The following ARHGAP29 variants were observed in gnomAD, a reference collection of about 807,000 sequenced individuals.
The protein encoded by ARHGAP29 is rho GTPase-activating protein 29.
In ARHGAP29, 43 loss-of-function variants were observed where a neutral mutation model predicts 122.6. The observed-to-expected ratio is 0.35, with a 90% CI of 0.27 to 0.45. ARHGAP29 has a LOEUF of 0.45. Among genes scored for constraint, ARHGAP29 ranks in the 20% least tolerant of loss-of-function variants. The pLI, the probability that ARHGAP29 is intolerant of heterozygous loss-of-function variation, is 1.00. For synonymous variants in ARHGAP29, 506 were observed against 497.1 expected (o/e 1.02, Z -0.24); for missense variants, 1,303 against 1,477.2 (o/e 0.88, Z 1.93).
chr1:94,178,036 T>C lies in ARHGAP29; in HGVS notation c.2612A>G (p.Gln871Arg), dbSNP rs1468642701. 3 of 1,614,166 alleles carry C rather than the reference T, an allele frequency of 1.9e-6. No homozygotes were observed. The South Asian group carries it at 3.3e-5, about 18-fold the overall frequency. The change falls in exon 21 of 23, where the codon CAA (glutamine) becomes CGA (arginine). Residue 871 changes from glutamine (Q) to arginine (R), a missense_variant. This residue lies in a region of ARHGAP29 where 620 missense variants were observed against 651.2 expected (regional missense o/e 0.95). Transcript: ENST00000260526. ...TISSLAEYSN[Q>R]ARLVEFLITY... is the part of the protein sequence containing the mutation. ...AATGAGAAACTCTACCAAGCGTGCTTGATTTGAATACTCTGCAAGGGAGGA... is the reference window on the plus strand; with the variant it reads ...AATGAGAAACTCTACCAAGCGTGCTCGATTTGAATACTCTGCAAGGGAGGA...
At chr1:94,270,286 A>C (rs1332523014) in intron 1 of ARHGAP29, among the ~76,000 whole-genome samples, 4 of 152,186 alleles carry the variant, frequency 2.6e-5, no homozygotes, top group African/African-American at 9.7e-5. Context: ...CCAAAGCAAG[A>C]GACATAGCAC....
chr1:94,286,358 C>T, the ARHGAP29 span, among the ~76,000 whole-genome samples: 1 of 152,092 alleles, frequency 6.6e-6, no homozygotes, highest in Non-Finnish European at 1.5e-5. Flanking sequence ...ATAACATATA[C>T]TATGGATTGA....
rs1021796299 is a variant in ARHGAP29 at position 94,173,661 on chromosome 1, A to T, written c.*208T>A. 1.1e-5 allele frequency: 6 copies of T among 526,586 alleles called. No homozygotes were observed. The East Asian group carries it at 1.9e-4, about 16-fold the overall frequency. The allele number at this position is 526,586 out of a possible 1,614,324, so 32.6% of individuals were successfully genotyped here. On this transcript the variant is annotated 3_prime_UTR_variant, in exon 23 of 23. Transcript: ENST00000260526. Reference sequence around the variant, plus strand: ...AACTTTAAAAATACAGAATTTAAAGATAATTCCAGTGAGGCACAAATGTGA... The same window carrying T: ...AACTTTAAAAATACAGAATTTAAAGTTAATTCCAGTGAGGCACAAATGTGA...
At chr1:94,228,959 G>A (rs190527532) in intron 2 of ARHGAP29, among the ~76,000 whole-genome samples, 3 of 151,804 alleles carry the variant, frequency 2.0e-5, no homozygotes, top group Admixed American at 6.6e-5. Context: ...TTATTCTTAA[G>A]AGCTGCCTTT....
chr1:94,236,967 C>G (rs967306744), intron 1 of ARHGAP29, among the ~76,000 whole-genome samples: 2 of 152,162 alleles, frequency 1.3e-5, no homozygotes, highest in Non-Finnish European at 2.9e-5. Flanking sequence ...GGTCCTGACG[C>G]TGCCAACCAC....
At chr1:94,186,737 G>A in intron 15 of ARHGAP29, 140 bp from the exon 16 acceptor site, 1 of 604,144 alleles carries the variant, frequency 1.7e-6, no homozygotes, top group Non-Finnish European at 2.9e-6. Context: ...CTCATACTCT[G>A]GGTAACAGGG....
intron 12 of ARHGAP29, chr1:94,191,886 T>C (rs1405668067): frequency 6.6e-6 from 1 of 152,172 alleles, no homozygotes; most frequent in African/African-American, 2.4e-5. Context: ...AGCTAAAAAC[T>C]TGATAGGATT....
At chr1:94,306,818 CA>C in the ARHGAP29 span, among the ~76,000 whole-genome samples, 1 of 152,034 alleles carries the variant, frequency 6.6e-6, no homozygotes, top group Non-Finnish European at 1.5e-5. Flanking sequence ...GGGTTTACAC[CA>C]AAAGTGCTCT....
chr1:94,278,816 G>A (rs150044351), upstream of ARHGAP29, among the ~76,000 whole-genome samples: 682 of 152,314 alleles, frequency 4.5e-3, 7 homozygotes, highest in Middle Eastern at 0.017. Context: ...AGCCTGGAAA[G>A]ATGGGTTTTG....
intron 1 of ARHGAP29, among the ~76,000 whole-genome samples, chr1:94,267,431 A>G (rs1687923): frequency 0.024 from 3,652 of 152,144 alleles, 170 homozygotes; most frequent in African/African-American, 0.084. Context: ...TCCTATTTTC[A>G]TTTTTCTTTC....
rs146151972 is a variant in ARHGAP29, at chr1:94,202,810, T to C, written c.955-78A>G. On this transcript the variant is annotated intron_variant, in intron 10 of 22. Coordinates refer to ENST00000260526, the MANE Select transcript of ARHGAP29 (RefSeq NM_004815.4). ...AGTGTCTTTAGCATATTCAGCAAGA[T>C]AGTTAAGACAATATTTTAGAAAAAT... 2.8e-4 allele frequency: 436 copies of C among 1,548,536 alleles called. 6 individuals are homozygous for C. In the East Asian group the frequency reaches 9.3e-3, roughly 33 times the overall value.
intron 1 of ARHGAP29, among the ~76,000 whole-genome samples, chr1:94,272,933 G>A (rs1019333710): frequency 6.6e-6 from 1 of 152,144 alleles, no homozygotes; most frequent in African/African-American, 2.4e-5. Context: ...CCAGAAAAAA[G>A]TATCTTCAAT....
At chr1:94,288,771 T>C in the ARHGAP29 span, among the ~76,000 whole-genome samples, 1 of 152,242 alleles carries the variant, frequency 6.6e-6, no homozygotes, top group Admixed American at 6.5e-5. Context: ...TCCCCATTTC[T>C]TGTTTTTGTC....
chr1:94,227,626 T>C (rs1652683254), intron 2 of ARHGAP29, among the ~76,000 whole-genome samples: 1 of 151,786 alleles, frequency 6.6e-6, no homozygotes, highest in Non-Finnish European at 1.5e-5. Flanking sequence ...GCCTTTACAT[T>C]TTCCACATTC....
At chr1:94,264,541 C>CA (rs901067075) in intron 1 of ARHGAP29, among the ~76,000 whole-genome samples, 2 of 152,252 alleles carry the variant, frequency 1.3e-5, no homozygotes, top group African/African-American at 2.4e-5. Flanking sequence ...GGCTGCCTTC[C>CA]ACTTGCTTCT....
At chr1:94,260,454 C>A (rs1183505369) in intron 1 of ARHGAP29, among the ~76,000 whole-genome samples, 1 of 152,210 alleles carries the variant, frequency 6.6e-6, no homozygotes, top group Non-Finnish European at 1.5e-5. Context: ...ATCCCATCCT[C>A]AGCTGATTCA....
chr1:94,290,091 G>T, the ARHGAP29 span, among the ~76,000 whole-genome samples: 1 of 152,130 alleles, frequency 6.6e-6, no homozygotes, highest in Non-Finnish European at 1.5e-5. Context: ...TGTACCTCTG[G>T]TAGAATTTGG....
At chr1:94,278,319 T>TA (rs1005799695), upstream of ARHGAP29, among the ~76,000 whole-genome samples, 123 of 145,940 alleles carry the variant, frequency 8.4e-4, no homozygotes, top group African/African-American at 1.9e-3. Flanking sequence ...ACCCTGTCTC[T>TA]AAAAAAAAAA....
At chr1:94,221,678 T>G (rs1048670859) in intron 2 of ARHGAP29, among the ~76,000 whole-genome samples, 1 of 150,984 alleles carries the variant, frequency 6.6e-6, no homozygotes. Context: ...TATGTATATA[T>G]GTATATATAA....
Sources: allele counts gnomAD v4.1 joint callset (sites outside exome capture counted in the v4.1 genomes callset), GRCh38; gene constraint gnomAD v4.1.1; regional missense constraint gnomAD v4.1.1; transcripts MANE v1.5; gene names NCBI Gene and HGNC (gene_info 2026-07-23, HGNC 2026-07-21).